Variants in TOP3B observed in about 807,000 individuals in gnomAD.
TOP3B encodes DNA topoisomerase 3-beta-1.
In TOP3B, 45 loss-of-function variants were observed where a neutral mutation model predicts 93.9. The ratio of observed to expected loss-of-function variants is 0.48; its 90% confidence interval spans 0.38 to 0.61. TOP3B has a LOEUF of 0.61. Ranked by LOEUF, TOP3B falls within the 20% of genes least tolerant of loss-of-function variation. The pLI is 0.00. For synonymous variants in TOP3B, 357 were observed against 472.6 expected, an observed-to-expected ratio of 0.76 and a Z score of 3.17; for missense variants, 750 against 1,156.1, an observed-to-expected ratio of 0.65 and a Z score of 5.09.
At chr22:21,972,024 C>G (rs775625193) in intron 4 of TOP3B, 73 bp from the exon 5 acceptor site, 362 of 1,367,470 alleles carry the variant, frequency 2.6e-4, no homozygotes, top group Non-Finnish European at 3.4e-4. Flanking sequence ...GTGCTCCCAT[C>G]CAGGACAGGG....
intron 13 of TOP3B, 147 bp downstream of exon 13, chr22:21,962,282 A>G: frequency 1.3e-6 from 2 of 1,588,526 alleles, no homozygotes; most frequent in African/African-American, 1.3e-5. Flanking sequence ...CTGGCTGGCC[A>G]CACACTGGGT....
chr22:21,959,948 GC>G, intron 14 of TOP3B: 1 of 692,666 alleles, frequency 1.4e-6, no homozygotes, highest in South Asian at 1.9e-5. Context: ...GAAATGTCAG[GC>G]AGAGTGGCCA....
At chr22:21,972,220 AAAATG>A (rs1289815612) in intron 4 of TOP3B, 1 of 496,382 alleles carries the variant, frequency 2.0e-6, no homozygotes, top group Admixed American at 3.7e-5. Context: ...AAGAAGGGTT[AAAATG>A]AAATAACCCT....
In TOP3B at chr22:21,962,460, C is replaced by T. The variant is rs371471618; in HGVS notation, c.1494G>A (p.Glu498=). The change falls in exon 13 of 18, where the codon GAG becomes GAA. Residue 498 remains glutamate, a synonymous_variant. Coordinates refer to ENST00000357179, the MANE Select transcript of TOP3B (RefSeq NM_001282112.2). ...TNPPDYLTEA[E]LITLMEKHGI... ...CATGCTTCTCCATGAGCGTGATGAG[C>T]TCGGCCTCCGTCAGGTAGTCGGGTG... The T allele has an allele frequency of 3.5e-5, 56 of 1,613,620 alleles. No individual in the cohort carries two copies. The highest frequency in any genetic ancestry group is 4.7e-5 in the Non-Finnish European group (55 of 1,180,034).
At chr22:21,980,257 C>T (rs1198491119) in intron 1 of TOP3B, among the ~76,000 whole-genome samples, 1 of 152,194 alleles carries the variant, frequency 6.6e-6, no homozygotes, top group African/African-American at 2.4e-5. Context: ...TCACCACATT[C>T]CCTTTTGCAC....
In TOP3B at chr22:21,963,987, T is replaced by C; in HGVS notation, c.1140A>G (p.Lys380=). The C allele has an allele frequency of 6.2e-7, 1 of 1,612,250 alleles. No homozygotes were observed. Among genetic ancestry groups the C allele is most frequent in the Non-Finnish European group, 8.5e-7 (1 of 1,179,360 alleles). The part of the protein sequence containing the change: ...LLAEGINRPR[K]GHDAGDHPPI... Reference sequence around the variant, plus strand: ...GGGGATGGTCGCCGGCGTCATGGCCTTTCCGCGGGCGGTTGATACCTTCTG... The same window carrying C: ...GGGGATGGTCGCCGGCGTCATGGCCCTTCCGCGGGCGGTTGATACCTTCTG... Residue 380 remains lysine (K), a synonymous_variant, in exon 11 of 18, where the codon AAA becomes AAG. Transcript: ENST00000357179. The surrounding 1 kb of genome is among the most constrained non-coding windows in gnomAD (Gnocchi z 4.8).
At chr22:21,979,434 C>T (rs560816252) in intron 1 of TOP3B, among the ~76,000 whole-genome samples, 2 of 152,058 alleles carry the variant, frequency 1.3e-5, no homozygotes, top group African/African-American at 4.8e-5. Context: ...TGGGGAGACT[C>T]ACAGGAGTCA....
rs775576756 is a variant in TOP3B at position 21,963,905 on chromosome 22, A to G, written c.1204+18T>C. On this transcript the variant is annotated intron_variant, in intron 11 of 17. Coordinates refer to ENST00000357179, the MANE Select transcript of TOP3B (RefSeq NM_001282112.2). This position sits in a 1 kb window ranked among gnomAD's most constrained non-coding sequence, Gnocchi z 4.8. Reference sequence around the variant, plus strand: ...TTCCCTCCCTGGAAGCACACCGGGTATGGGATGAGAGCGGTACCTAATTCG... The same window carrying G: ...TTCCCTCCCTGGAAGCACACCGGGTGTGGGATGAGAGCGGTACCTAATTCG... 5 of 1,609,162 alleles carry G rather than the reference A, an allele frequency of 3.1e-6. No individual in the cohort carries two copies. In the South Asian group the frequency reaches 5.5e-5, roughly 18 times the overall value.
chr22:21,958,500 A>T lies in TOP3B; in HGVS notation c.2099T>A (p.Met700Lys), dbSNP rs1216404165. 1 of 1,613,764 alleles carries T rather than the reference A, an allele frequency of 6.2e-7. No homozygotes were observed. The highest frequency in any genetic ancestry group is 8.5e-7 in the Non-Finnish European group (1 of 1,179,958). The change falls in exon 17 of 18, where the codon ATG (methionine) becomes AAG (lysine). Residue 700 changes from methionine (M) to lysine (K), a missense_variant. Physicochemically the swap from Met to Lys is moderately conservative, Grantham distance 95. Coordinates refer to ENST00000357179, the MANE Select transcript of TOP3B (RefSeq NM_001282112.2). ...GGAGTGGCTGCACTCACCTTTCTTC[A>T]TGTCTCGGAAGGGTGGGTGGTTGTA... is the stretch of plus-strand genomic sequence containing the variant. The part of the protein sequence containing the change: ...YCYNHPPFRD[M>K]KKGMGCNECT...
rs1300194297 is a variant in TOP3B at position 21,967,693 on chromosome 22, A to G, written c.762T>C (p.Ser254=). The change falls in exon 8 of 18, where the codon TCT becomes TCC. Residue 254 remains serine (S), a synonymous_variant. Coordinates refer to ENST00000357179, the MANE Select transcript of TOP3B (RefSeq NM_001282112.2). The part of the protein sequence containing the change: ...QAKVNTDKDR[S]LLLDWDRVRV... ...TTACTCGGTCCCAGTCCAAAAGGAGAGATCTGTCTTTGTCAGTGTTAACCT... is the reference window on the plus strand; with the variant it reads ...TTACTCGGTCCCAGTCCAAAAGGAGGGATCTGTCTTTGTCAGTGTTAACCT... 1 of 1,614,038 alleles carries G rather than the reference A, an allele frequency of 6.2e-7. No homozygotes were observed.
chr22:21,979,905 C>T (rs570357553), intron 1 of TOP3B, among the ~76,000 whole-genome samples: 151 of 134,500 alleles, frequency 1.1e-3, no homozygotes, highest in Non-Finnish European at 1.9e-3. Flanking sequence ...TGCGCCACTG[C>T]ACTCCAGCCT....
chr22:21,977,835 G>T lies in TOP3B; in HGVS notation c.-98-2028C>A, dbSNP rs551064553. On this transcript the variant is annotated intron_variant, in intron 1 of 17. Coordinates refer to ENST00000357179, the MANE Select transcript of TOP3B (RefSeq NM_001282112.2). Reference sequence around the variant, plus strand: ...TTTATTGAGTACCTACTGCATGCTTGGCCTAGTCCAGGATGCAGGGAATAC... The same window carrying T: ...TTTATTGAGTACCTACTGCATGCTTTGCCTAGTCCAGGATGCAGGGAATAC... 1.2e-4 allele frequency among the ~76,000 whole-genome samples: 18 copies of T among 152,266 alleles called. No individual in the cohort carries two copies. In the East Asian group the frequency reaches 3.1e-3, roughly 26 times the overall value.
intron 1 of TOP3B, among the ~76,000 whole-genome samples, chr22:21,978,049 G>A (rs1251639673): frequency 1.3e-5 from 2 of 152,078 alleles, no homozygotes; most frequent in African/African-American, 4.8e-5. Context: ...GAGCAGGGGT[G>A]TAGAATGTGG....
chr22:21,980,120 T>A (rs2084596853), intron 1 of TOP3B, among the ~76,000 whole-genome samples: 3 of 152,098 alleles, frequency 2.0e-5, no homozygotes, highest in South Asian at 4.2e-4. Flanking sequence ...TGATCACACA[T>A]ATGTGTGCAC....
intron 8 of TOP3B, 140 bp from the exon 9 acceptor site, chr22:21,965,515 A>G: frequency 4.4e-6 from 2 of 453,070 alleles, no homozygotes; most frequent in Non-Finnish European, 7.9e-6. Flanking sequence ...CAGTCTAAAG[A>G]CTTGATTGAA....
At position 21,971,844 on chromosome 22, in the gene TOP3B, A is replaced by AG; in HGVS notation, c.384+32_384+33insC. ...GTTTGGGGCTGGTGTCAGAAAGGCC[A>AG]AAAGTGAGGAACAAAGTGAGCCTCA... On this transcript the variant is annotated intron_variant, in intron 5 of 17. Coordinates refer to ENST00000357179, the MANE Select transcript of TOP3B (RefSeq NM_001282112.2). The surrounding 1 kb of genome is among the most constrained non-coding windows in gnomAD (Gnocchi z 4.6). 6.2e-7 allele frequency: 1 copy of AG among 1,611,344 alleles called. No homozygotes were observed. Among genetic ancestry groups the AG allele is most frequent in the East Asian group, 2.2e-5 (1 of 44,860 alleles).
chr22:21,971,163 A>G lies in TOP3B; in HGVS notation c.384+714T>C. 1 of 744,780 alleles carries G rather than the reference A, an allele frequency of 1.3e-6. No individual in the cohort carries two copies. The highest frequency in any genetic ancestry group is 3.1e-4 in the Middle Eastern group (1 of 3,184). The allele number at this position is 744,780 out of a possible 1,614,324, so 46.1% of individuals were successfully genotyped here. ...GCAGGGGAGGAGAGGGTATCTGGGA[A>G]GAGACAGAGTGTGATCGCATTTGCT... On this transcript the variant is annotated intron_variant, in intron 5 of 17. Coordinates refer to ENST00000357179, the MANE Select transcript of TOP3B (RefSeq NM_001282112.2). The surrounding 1 kb of genome is among the most constrained non-coding windows in gnomAD (Gnocchi z 4.6).
chr22:21,982,626 C>T (rs1307122907), intron 1 of TOP3B, 104 bp downstream of exon 1: 2 of 152,242 alleles, frequency 1.3e-5, no homozygotes, highest in Non-Finnish European at 2.9e-5. Flanking sequence ...CTCCCGAGCT[C>T]GCGGGTCCTC....
At chr22:21,979,708 A>G (rs142175194) in intron 1 of TOP3B, among the ~76,000 whole-genome samples, 6,169 of 152,082 alleles carry the variant, frequency 0.041, 164 homozygotes, top group Non-Finnish European at 0.058. Context: ...TTGGGAGGCC[A>G]AGGTGGGCAG....
Sources: gnomAD v4.1 joint callset for allele counts (sites outside exome capture counted in the v4.1 genomes callset) on GRCh38, gnomAD v4.1.1 for gene constraint, Gnocchi (gnomAD v3.1) non-coding constraint, MANE v1.5 for transcripts, NCBI Gene and HGNC (gene_info 2026-07-23, HGNC 2026-07-21) for gene names.